Variants in PTPRT observed in about 807,000 individuals in gnomAD.
The protein encoded by PTPRT is receptor-type tyrosine-protein phosphatase T.
PTPRT carries 56 observed loss-of-function variants against 176.8 expected under a neutral mutation model. The ratio of observed to expected loss-of-function variants is 0.32; its 90% CI spans 0.26 to 0.40. The LOEUF is 0.40. Ranked by LOEUF, PTPRT falls within the 10% of genes least tolerant of loss-of-function variation. PTPRT has a pLI of 1.00. For missense variants in PTPRT, 1,540 were observed against 1,908.2 expected, an observed-to-expected ratio of 0.81 and a Z score of 3.60; for synonymous variants, 783 against 739.0, an observed-to-expected ratio of 1.06 and a Z score of -0.96.
intron 7 of PTPRT, among the ~76,000 whole-genome samples, chr20:42,668,696 C>CTTT (rs34658528): frequency 8.1e-4 from 114 of 141,028 alleles, no homozygotes; most frequent in Non-Finnish European, 1.1e-3. Context: ...GCGGATAATT[C>CTTT]TTTTTTTTTT....
chr20:42,471,427 G>A (rs899687778), intron 8 of PTPRT, among the ~76,000 whole-genome samples: 5 of 152,134 alleles, frequency 3.3e-5, no homozygotes, highest in African/African-American at 1.2e-4. Flanking sequence ...CGGAGATCTG[G>A]TTAAGTGTGT....
chr20:42,428,086 A>T (rs1450757842), intron 9 of PTPRT, among the ~76,000 whole-genome samples: 1 of 152,224 alleles, frequency 6.6e-6, no homozygotes, highest in African/African-American at 2.4e-5. Flanking sequence ...GTCTCCTCAC[A>T]CGGACGCACA....
At chr20:43,053,359 T>A (rs1401478628) in intron 1 of PTPRT, among the ~76,000 whole-genome samples, 1 of 152,200 alleles carries the variant, frequency 6.6e-6, no homozygotes, top group Non-Finnish European at 1.5e-5. Context: ...CCCTGGGCTT[T>A]CCCCTCCAAC....
chr20:43,129,102 G>A (rs867014962), intron 1 of PTPRT, among the ~76,000 whole-genome samples: 1 of 152,148 alleles, frequency 6.6e-6, no homozygotes, highest in Non-Finnish European at 1.5e-5. Flanking sequence ...CCCTCACCAG[G>A]TCATTCATAA....
At chr20:42,872,987 C>G (rs1427102969) in intron 2 of PTPRT, among the ~76,000 whole-genome samples, 2 of 152,120 alleles carry the variant, frequency 1.3e-5, no homozygotes, top group Non-Finnish European at 2.9e-5. Context: ...GTGCCTGCAG[C>G]CCACACAGAA....
At chr20:42,115,050 G>A in intron 22 of PTPRT, 149 bp downstream of exon 22, 1 of 603,580 alleles carries the variant, frequency 1.7e-6, no homozygotes, top group East Asian at 2.8e-5. Flanking sequence ...CTGGTAGCAG[G>A]ACCCATGTCT....
intron 1 of PTPRT, among the ~76,000 whole-genome samples, chr20:42,985,739 T>G (rs1344452379): frequency 1.3e-5 from 2 of 152,022 alleles, no homozygotes; most frequent in Non-Finnish European, 2.9e-5. Flanking sequence ...GCCATAATTG[T>G]AAATAGAATG....
chr20:42,627,783 C>T (rs1438126734), intron 7 of PTPRT, among the ~76,000 whole-genome samples: 1 of 152,022 alleles, frequency 6.6e-6, no homozygotes, highest in Non-Finnish European at 1.5e-5. Context: ...GCTTCTCCAA[C>T]ATTTTAGTTG....
intron 1 of PTPRT, among the ~76,000 whole-genome samples, chr20:43,070,101 GTTAT>G (rs1229013942): frequency 6.6e-6 from 1 of 152,102 alleles, no homozygotes; most frequent in East Asian, 1.9e-4. Flanking sequence ...TCCTTTGTGG[GTTAT>G]TTTTTTTTAA....
intron 1 of PTPRT, among the ~76,000 whole-genome samples, chr20:43,021,209 G>A (rs942563569): frequency 6.6e-6 from 1 of 152,176 alleles, no homozygotes; most frequent in Non-Finnish European, 1.5e-5. Flanking sequence ...AGCTGACAGA[G>A]AAAATGCTCC....
chr20:42,149,071 T>C (rs889748102), intron 17 of PTPRT, among the ~76,000 whole-genome samples: 7 of 152,218 alleles, frequency 4.6e-5, no homozygotes, highest in Admixed American at 3.3e-4. Context: ...TTCACTTCAT[T>C]GCAACAAGTG....
intron 1 of PTPRT, among the ~76,000 whole-genome samples, chr20:43,146,406 G>A (rs2014169209): frequency 6.6e-6 from 1 of 152,138 alleles, no homozygotes; most frequent in Admixed American, 6.6e-5. Flanking sequence ...AGATGTTCAA[G>A]GAGGCCATAT....
At chr20:42,670,804 T>C (rs762101036) in intron 7 of PTPRT, among the ~76,000 whole-genome samples, 5 of 152,146 alleles carry the variant, frequency 3.3e-5, no homozygotes, top group Non-Finnish European at 7.3e-5. Flanking sequence ...GTAACTATAA[T>C]CGGAGTGGCC....
intron 1 of PTPRT, among the ~76,000 whole-genome samples, chr20:43,184,781 T>A (rs553586135): frequency 6.6e-6 from 1 of 152,286 alleles, no homozygotes; most frequent in Non-Finnish European, 1.5e-5. Flanking sequence ...TTTTTCATGG[T>A]TGACTTCTGT....
chr20:43,065,838 A>C (rs2011107532), intron 1 of PTPRT, among the ~76,000 whole-genome samples: 5 of 152,220 alleles, frequency 3.3e-5, no homozygotes, highest in Admixed American at 2.6e-4. Flanking sequence ...ACAGAGTCAA[A>C]GAGCTCAGAG....
intron 26 of PTPRT, 91 bp from the exon 27 acceptor site, chr20:42,098,643 A>T: frequency 6.6e-7 from 1 of 1,522,660 alleles, no homozygotes; most frequent in Non-Finnish European, 8.9e-7. Flanking sequence ...CAGAGGCTCC[A>T]GAGCCTGCCA....
intron 13 of PTPRT, among the ~76,000 whole-genome samples, chr20:42,249,817 C>T (rs1404905892): frequency 6.6e-6 from 1 of 152,176 alleles, no homozygotes; most frequent in African/African-American, 2.4e-5. Flanking sequence ...TATCTTCATG[C>T]TACGTACTAG....
At chr20:42,921,966 C>T (rs1302884476) in intron 1 of PTPRT, among the ~76,000 whole-genome samples, 1 of 152,280 alleles carries the variant, frequency 6.6e-6, no homozygotes, top group South Asian at 2.1e-4. Flanking sequence ...GATGGAGTCT[C>T]GCTGTGTCAC....
At chr20:43,155,941 T>C (rs2014507142) in intron 1 of PTPRT, among the ~76,000 whole-genome samples, 1 of 152,232 alleles carries the variant, frequency 6.6e-6, no homozygotes, top group South Asian at 2.1e-4. Flanking sequence ...AAGTCGCTTG[T>C]TCAGTTCCTC....
Sources: gnomAD v4.1 joint callset for allele counts (sites outside exome capture counted in the v4.1 genomes callset) on GRCh38, gnomAD v4.1.1 for gene constraint, MANE v1.5 for transcripts, NCBI Gene and HGNC (gene_info 2026-07-23, HGNC 2026-07-21) for gene names.